The following NSD2 variants were observed in gnomAD, a reference collection of about 807,000 sequenced individuals.
NSD2 encodes the protein histone-lysine N-methyltransferase NSD2.
Under a neutral mutation model 139.0 loss-of-function variants are expected in NSD2, and 12 were observed. The ratio of observed to expected loss-of-function variants is 0.09; its 90% confidence interval spans 0.06 to 0.14. The LOEUF (loss-of-function observed/expected upper bound fraction) is 0.14. Ranked by LOEUF, NSD2 falls within the 10% of genes least tolerant of loss-of-function variation. The pLI, the probability that NSD2 is intolerant of heterozygous loss-of-function variation, is 1.00. For synonymous variants in NSD2, 669 were observed against 648.7 expected (o/e 1.03, Z -0.48); for missense variants, 1,155 against 1,745.0 (o/e 0.66, Z 6.02).
intron 4 of NSD2, among the ~76,000 whole-genome samples, 189 bp downstream of exon 4, chr4:1,917,226 AT>A (rs938103922): frequency 6.7e-6 from 1 of 148,652 alleles, no homozygotes; most frequent in Non-Finnish European, 1.5e-5. Flanking sequence ...GACACAACTG[AT>A]TTTTTTTTGC....
Position 1,974,901 on chromosome 4 carries a change from T to C in NSD2, c.3411T>C (p.Ser1137=). 1 of 1,614,218 alleles carries C rather than the reference T, an allele frequency of 6.2e-7. No individual in the cohort carries two copies. Among genetic ancestry groups the C allele is most frequent in the South Asian group, 1.1e-5 (1 of 91,082 alleles). Residue 1137 remains serine, a synonymous_variant, in exon 19 of 22, where the codon TCT becomes TCC. Transcript: ENST00000508803. This position sits in a 1 kb window ranked among gnomAD's most constrained non-coding sequence, Gnocchi z 4.0. Reference sequence around the variant, plus strand: ...ACGCTGGCCCCAAAGGAAACTACTCTCGATTTATGAATCACAGCTGCCAGC... The same window carrying C: ...ACGCTGGCCCCAAAGGAAACTACTCCCGATTTATGAATCACAGCTGCCAGC... ...IIDAGPKGNY[S]RFMNHSCQPN...
intron 9 of NSD2, chr4:1,940,844 G>C: frequency 9.5e-7 from 1 of 1,057,362 alleles, no homozygotes; most frequent in Non-Finnish European, 1.1e-6. Context: ...GAAGGTCAGG[G>C]ACCTAGGCAA....
intron 5 of NSD2, among the ~76,000 whole-genome samples, chr4:1,921,336 G>A (rs900905699): frequency 6.6e-6 from 1 of 151,922 alleles, no homozygotes; most frequent in Non-Finnish European, 1.5e-5. Flanking sequence ...GCGTGCGCCT[G>A]TACTTCCGGC....
chr4:1,935,257 C>T lies in NSD2; in HGVS notation c.1669C>T (p.Arg557Trp), dbSNP rs1207755212. The T allele has an allele frequency of 8.7e-6, 14 of 1,611,592 alleles. No homozygotes were observed. Among genetic ancestry groups the T allele is most frequent in the Admixed American group, 3.3e-5 (2 of 59,818 alleles). Residue 557 changes from arginine (R) to tryptophan (W), a missense_variant, in exon 7 of 22, where the codon CGG becomes TGG. Physicochemically the swap from Arg to Trp is moderately radical, Grantham distance 101 (BLOSUM62 -3). Transcript: ENST00000508803. ...KRLRTDKHSL[R>W]KRDTITDKTA... ...ACTCAGGACGGACAAGCACAGTCTT[C>T]GGAAGGTAATTGTGTTCCAGGTTTG...
chr4:1,974,652 G>T lies in NSD2; in HGVS notation c.3373-211G>T, dbSNP rs568621047. On this transcript the variant is annotated intron_variant, in intron 18 of 21. Coordinates refer to ENST00000508803, the MANE Select transcript of NSD2 (RefSeq NM_001042424.3). The surrounding 1 kb of genome is among the most constrained non-coding windows in gnomAD (Gnocchi z 4.0). ...TCCTCCCCGGCGCTCACTAAGGCTC[G>T]GTCCTCTCCACGTGGTCCTGACCTG... 1.3e-6 allele frequency: 1 copy of T among 762,624 alleles called. No homozygotes were observed. Among genetic ancestry groups the T allele is most frequent in the East Asian group, 2.6e-5 (1 of 39,066 alleles). The allele number at this position is 762,624 out of a possible 1,614,324, so 47.2% of individuals were successfully genotyped here.
At chr4:1,873,360 A>G (rs956423646) in intron 1 of NSD2, among the ~76,000 whole-genome samples, 3 of 152,226 alleles carry the variant, frequency 2.0e-5, no homozygotes, top group African/African-American at 7.2e-5. Context: ...TGGACAATTT[A>G]TCGTATCTAT....
chr4:1,934,910 A>AT lies in NSD2; in HGVS notation c.1556-234_1556-233insT, dbSNP rs59927644. Among the ~76,000 whole-genome samples, 562 of 106,016 alleles carry AT rather than the reference A, an allele frequency of 5.3e-3. 8 individuals are homozygous for AT. The highest frequency in any genetic ancestry group is 6.7e-3 in the Non-Finnish European group (358 of 53,276). 69.6% of individuals were successfully genotyped at this position (106,016 alleles called of 152,430 possible). A position where few individuals can be genotyped will look rare whatever the true frequency, so the allele number is the denominator to read the frequency against. Reference sequence around the variant, plus strand: ...ATATATATATATATATATATATATAAAAAACAGATAAAACAGATGCTAATA... The same window carrying AT: ...ATATATATATATATATATATATATAATAAAACAGATAAAACAGATGCTAATA... On this transcript the variant is annotated intron_variant, in intron 6 of 21. Coordinates refer to ENST00000508803, the MANE Select transcript of NSD2 (RefSeq NM_001042424.3).
intron 9 of NSD2, chr4:1,940,811 G>A (rs941275830): frequency 9.5e-7 from 1 of 1,057,858 alleles, no homozygotes; most frequent in African/African-American, 1.6e-5. Context: ...ACTCATTAGA[G>A]GAGTGTAGGC....
At chr4:1,917,892 T>C (rs1719613331) in intron 4 of NSD2, among the ~76,000 whole-genome samples, 1 of 151,188 alleles carries the variant, frequency 6.6e-6, no homozygotes, top group South Asian at 2.1e-4. Flanking sequence ...GTGATTCTCA[T>C]GTCTCAGCCT....
intron 1 of NSD2, among the ~76,000 whole-genome samples, chr4:1,890,338 G>A (rs1457379143): frequency 1.5e-4 from 22 of 151,238 alleles, no homozygotes; most frequent in African/African-American, 4.1e-4. Flanking sequence ...TCGCTCTGTC[G>A]CCTAGGCTGG....
chr4:1,928,608 C>G (rs1398792758), intron 5 of NSD2, among the ~76,000 whole-genome samples: 1 of 150,376 alleles, frequency 6.6e-6, no homozygotes, highest in East Asian at 1.9e-4. Flanking sequence ...TCTTGTGAGG[C>G]GTGGTGGCTG....
Position 1,918,381 on chromosome 4 carries a change from G to A in NSD2, c.1168G>A (p.Val390Met). The change falls in exon 5 of 22, where the codon GTG becomes ATG. Residue 390 changes from valine to methionine, a missense_variant. Physicochemically the swap from Val to Met is conservative, Grantham distance 21 (BLOSUM62 1). This residue lies in a region of NSD2 where 420 missense variants were observed against 469.0 expected (regional missense o/e 0.90). Transcript: ENST00000508803. ...SEEAAENPKS[V>M]REECIPMKRR... is the part of the protein sequence containing the mutation. ...AGAAGCTGCTGAAAACCCCAAGTCT[G>A]TGAGAGAAGAGTGCATTCCCATGAA... 1 of 1,614,160 alleles carries A rather than the reference G, an allele frequency of 6.2e-7. No individual in the cohort carries two copies. The highest frequency in any genetic ancestry group is 8.5e-7 in the Non-Finnish European group (1 of 1,180,040).
intron 1 of NSD2, among the ~76,000 whole-genome samples, chr4:1,889,582 A>C (rs2108695735): frequency 6.6e-6 from 1 of 151,050 alleles, no homozygotes; most frequent in East Asian, 2.0e-4. Flanking sequence ...GCTTACTGTA[A>C]CCTCCGCCTC....
intron 1 of NSD2, among the ~76,000 whole-genome samples, chr4:1,898,875 C>T (rs1056905451): frequency 3.3e-5 from 5 of 152,090 alleles, no homozygotes; most frequent in Non-Finnish European, 5.9e-5. Flanking sequence ...AAACTCTCCT[C>T]AGTCACACAT....
At chr4:1,878,284 T>C (rs1012593156) in intron 1 of NSD2, among the ~76,000 whole-genome samples, 2 of 122,910 alleles carry the variant, frequency 1.6e-5, no homozygotes, top group Non-Finnish European at 3.4e-5. Flanking sequence ...TTTTTTTTTT[T>C]GTATTTTTAG....
intron 7 of NSD2, 34 bp from the exon 8 acceptor site, chr4:1,938,417 T>TTTTTTTTTTTTTTTTTTTTTTTTTTTTC: frequency 1.6e-5 from 3 of 190,424 alleles, no homozygotes; most frequent in South Asian, 1.9e-4. Context: ...TTTTTCTTTC[T>TTTTTTTTTTTTTTTTTTTTTTTTTTTTC]TTTTTTTTTT....
In NSD2 at chr4:1,920,597, C is replaced by T. The variant is rs368751284; in HGVS notation, c.1410+1974C>T. 1.6e-3 allele frequency among the ~76,000 whole-genome samples: 250 copies of T among 152,170 alleles called. No homozygotes were observed. The Middle Eastern group carries it at 0.024, about 14-fold the overall frequency. ...TATGGGGTATATGTGATATTTGGTACGTGCATTAAAGTTCATTGCTTTTTC... is the reference window on the plus strand; with the variant it reads ...TATGGGGTATATGTGATATTTGGTATGTGCATTAAAGTTCATTGCTTTTTC... On this transcript the variant is annotated intron_variant, in intron 5 of 21. Transcript: ENST00000508803.
chr4:1,970,776 G>T (rs769235694), intron 18 of NSD2, among the ~76,000 whole-genome samples: 1 of 152,152 alleles, frequency 6.6e-6, no homozygotes, highest in African/African-American at 2.4e-5. Flanking sequence ...GACATGTAAT[G>T]TCCGGGACAT....
intron 9 of NSD2, chr4:1,945,322 A>C: frequency 2.8e-6 from 3 of 1,066,044 alleles, no homozygotes; most frequent in Non-Finnish European, 3.4e-6. Flanking sequence ...ATGCTGTGTG[A>C]GAGCCATGCT....
Sources: allele counts gnomAD v4.1 joint callset (sites outside exome capture counted in the v4.1 genomes callset), GRCh38; gene constraint gnomAD v4.1.1; regional missense constraint gnomAD v4.1.1; non-coding constraint Gnocchi (gnomAD v3.1); transcripts MANE v1.5; gene names NCBI Gene and HGNC (gene_info 2026-07-23, HGNC 2026-07-21).